Variants in LAMA4 observed in about 807,000 individuals in gnomAD.
LAMA4 encodes the protein laminin subunit alpha 4.
LAMA4 carries 127 observed loss-of-function variants against 207.1 expected under a neutral mutation model. The ratio of observed to expected loss-of-function variants is 0.61; its 90% confidence interval spans 0.53 to 0.71. The LOEUF is 0.71. Among genes scored for constraint, LAMA4 ranks in the 30% least tolerant of loss-of-function variants. The pLI is 0.00. For missense variants in LAMA4, 2,093 were observed against 2,246.5 expected, an observed-to-expected ratio of 0.93 and a Z score of 1.38; for synonymous variants, 761 against 816.0, an observed-to-expected ratio of 0.93 and a Z score of 1.15.
chr6:112,150,458 C>A (rs926974335), intron 17 of LAMA4, 53 bp downstream of exon 17: 20 of 1,079,612 alleles, frequency 1.9e-5, no homozygotes, highest in Non-Finnish European at 2.9e-5. Flanking sequence ...TGAAGGTTTA[C>A]CTTACACTCC....
intron 29 of LAMA4, chr6:112,130,270 A>T (rs780561229): frequency 7.6e-5 from 41 of 538,894 alleles, no homozygotes; most frequent in Non-Finnish European, 1.3e-4. Flanking sequence ...TAAGGCAAGA[A>T]ATTCAGATGA....
intron 38 of LAMA4, among the ~76,000 whole-genome samples, chr6:112,112,094 A>G (rs1020451178): frequency 6.6e-6 from 1 of 152,198 alleles, no homozygotes; most frequent in Non-Finnish European, 1.5e-5. Flanking sequence ...CCATCAAGGA[A>G]TGCACTTCTT....
Position 112,118,717 on chromosome 6 carries a change from G to A in LAMA4, c.4821+439C>T, listed in dbSNP as rs1306565934. Among the ~76,000 whole-genome samples, 4 of 100,350 alleles carry A rather than the reference G, an allele frequency of 4.0e-5. No homozygotes were observed. The highest frequency in any genetic ancestry group is 6.4e-4 in the East Asian group (2 of 3,142). The allele number at this position is 100,350 out of a possible 152,430, so 65.8% of individuals were successfully genotyped here. A position where few individuals can be genotyped will look rare whatever the true frequency, so the allele number is the denominator to read the frequency against. ...ACATTTACAAATTGTGTGTGTGTGT[G>A]TGTATGTGTGTGTGTGTGTGTGTGT... On this transcript the variant is annotated intron_variant, in intron 34 of 38. Transcript: ENST00000230538. This position sits in a 1 kb window ranked among gnomAD's most constrained non-coding sequence, Gnocchi z 4.6.
intron 13 of LAMA4, among the ~76,000 whole-genome samples, chr6:112,161,763 A>G (rs1781066328): frequency 6.6e-6 from 1 of 152,152 alleles, no homozygotes; most frequent in African/African-American, 2.4e-5. Context: ...TCAGGGTCAT[A>G]AGGACACCAG....
chr6:112,245,809 T>A (rs1786870360), intron 2 of LAMA4, among the ~76,000 whole-genome samples: 1 of 152,158 alleles, frequency 6.6e-6, no homozygotes, highest in African/African-American at 2.4e-5. Context: ...ACATAAAAAC[T>A]AAGAAAGTCC....
chr6:112,214,874 T>C (rs1388456428), intron 3 of LAMA4, among the ~76,000 whole-genome samples: 2 of 152,334 alleles, frequency 1.3e-5, no homozygotes, highest in African/African-American at 4.8e-5. Context: ...AATGTCATTG[T>C]AAAAAGAGTG....
rs781860484 is a variant in LAMA4 at position 112,144,977 on chromosome 6, T to G, written c.2354-44A>C. 19 of 1,511,478 alleles carry G rather than the reference T, an allele frequency of 1.3e-5. 1 individual carries two copies. The African/African-American group carries it at 1.8e-4, about 14-fold the overall frequency. The allele number at this position is 1,511,478 out of a possible 1,614,324, so 93.6% of individuals were successfully genotyped here. ...AATCATTTAAGAAAATAACTCAATA[T>G]TATATTTCAAGAATCAGATGTAGAC... On this transcript the variant is annotated intron_variant, in intron 18 of 38. Coordinates refer to ENST00000230538, the MANE Select transcript of LAMA4 (RefSeq NM_001105206.3).
intron 4 of LAMA4, among the ~76,000 whole-genome samples, chr6:112,205,912 C>T (rs917848897): frequency 2.8e-4 from 42 of 152,180 alleles, no homozygotes; most frequent in African/African-American, 9.6e-4. Context: ...AACTCCTGAG[C>T]AACAAGGCTT....
intron 12 of LAMA4, among the ~76,000 whole-genome samples, 165 bp from the exon 13 acceptor site, chr6:112,165,441 G>A (rs575300483): frequency 2.0e-5 from 3 of 152,164 alleles, no homozygotes; most frequent in African/African-American, 4.8e-5. Context: ...CCTGTTTGAT[G>A]CTGCTTTCTC....
At chr6:112,195,938 T>TACACACACACAC (rs149514155) in intron 5 of LAMA4, among the ~76,000 whole-genome samples, 3 of 147,450 alleles carry the variant, frequency 2.0e-5, no homozygotes, top group African/African-American at 7.4e-5. Context: ...ATGAACTAAG[T>TACACACACACAC]ACACACACAC....
intron 15 of LAMA4, 97 bp from the exon 16 acceptor site, chr6:112,155,044 AC>A: frequency 1.2e-6 from 1 of 839,122 alleles, no homozygotes; most frequent in Non-Finnish European, 2.1e-6. Context: ...TCTGCTAAAC[AC>A]CAAGCAAAAT....
chr6:112,183,893 G>A (rs1266816089), intron 9 of LAMA4, among the ~76,000 whole-genome samples: 1 of 147,236 alleles, frequency 6.8e-6, no homozygotes, highest in Non-Finnish European at 1.5e-5. Context: ...GGAGGCTGCA[G>A]TGAGCCGAGA....
At chr6:112,217,851 C>A (rs1784716848) in intron 2 of LAMA4, 1 of 152,126 alleles carries the variant, frequency 6.6e-6, no homozygotes, top group Admixed American at 6.5e-5. Flanking sequence ...AGGGAAGACA[C>A]TAAGATTGCA....
At chr6:112,180,337 CT>C (rs1330948291) in intron 9 of LAMA4, among the ~76,000 whole-genome samples, 1 of 152,126 alleles carries the variant, frequency 6.6e-6, no homozygotes, top group Non-Finnish European at 1.5e-5. Flanking sequence ...TATTGATATA[CT>C]GTATATATGA....
intron 9 of LAMA4, among the ~76,000 whole-genome samples, chr6:112,181,612 G>C (rs1782361789): frequency 6.6e-6 from 1 of 152,142 alleles, no homozygotes; most frequent in South Asian, 2.1e-4. Flanking sequence ...CCTTCTCTGA[G>C]AAGCCTTTCC....
intron 2 of LAMA4, among the ~76,000 whole-genome samples, chr6:112,220,763 AT>A (rs1784880938): frequency 6.6e-6 from 1 of 152,216 alleles, no homozygotes; most frequent in South Asian, 2.1e-4. Flanking sequence ...TTCTAAAAAT[AT>A]TTAAATCACT....
intron 29 of LAMA4, 150 bp downstream of exon 29, chr6:112,130,817 TA>T (rs1778992190): frequency 4.0e-6 from 3 of 751,070 alleles, no homozygotes; most frequent in Admixed American, 2.2e-5. Context: ...CTAATAGCAA[TA>T]TTTTTTTGAG....
intron 13 of LAMA4, 36 bp downstream of exon 13, chr6:112,165,124 G>T (rs1400564478): frequency 8.4e-7 from 1 of 1,186,746 alleles, no homozygotes; most frequent in African/African-American, 1.5e-5. Flanking sequence ...TAACCTGCTG[G>T]AAATACAAAC....
At chr6:112,142,486 A>G (rs1779761992) in intron 19 of LAMA4, among the ~76,000 whole-genome samples, 194 bp from the exon 20 acceptor site, 1 of 139,064 alleles carries the variant, frequency 7.2e-6, no homozygotes, top group African/African-American at 2.7e-5. Context: ...GTGGGGTGAA[A>G]GAAAGCAAAA....
Sources: gnomAD v4.1 joint callset for allele counts (sites outside exome capture counted in the v4.1 genomes callset) on GRCh38, gnomAD v4.1.1 for gene constraint, Gnocchi (gnomAD v3.1) non-coding constraint, MANE v1.5 for transcripts, NCBI Gene and HGNC (gene_info 2026-07-23, HGNC 2026-07-21) for gene names.